WWOX: variants seen among roughly 807,000 people sequenced by gnomAD.
WWOX encodes WW domain-containing oxidoreductase.
WWOX carries 69 observed loss-of-function variants against 46.2 expected under a neutral mutation model. The ratio of observed to expected loss-of-function variants is 1.49; its 90% CI spans 1.23 to 1.82. The LOEUF is 1.82. Ranked by LOEUF, WWOX falls within the 40% of genes most tolerant of loss-of-function variation. The probability of loss-of-function intolerance (pLI) is 0.00; values close to 1 mark genes in which losing one functional copy is unlikely to be tolerated. For synonymous variants in WWOX, 359 were observed against 202.6 expected (o/e 1.77, Z -6.56); for missense variants, 919 against 542.6 (o/e 1.69, Z -6.89).
chr16:79,189,132 G>T (rs1018564438), intron 8 of WWOX, among the ~76,000 whole-genome samples: 2 of 152,274 alleles, frequency 1.3e-5, no homozygotes, highest in South Asian at 4.1e-4. Flanking sequence ...AGATGGTATT[G>T]CCCCTGGGAC....
At chr16:78,122,619 T>C (rs2033151725) in intron 4 of WWOX, among the ~76,000 whole-genome samples, 1 of 151,900 alleles carries the variant, frequency 6.6e-6, no homozygotes. Flanking sequence ...CTTTTTTTTT[T>C]TTTGAGACGG....
At chr16:78,474,356 G>A (rs1015774835) in intron 8 of WWOX, among the ~76,000 whole-genome samples, 4 of 152,140 alleles carry the variant, frequency 2.6e-5, no homozygotes, top group Non-Finnish European at 4.4e-5. Flanking sequence ...GCTTATGTTT[G>A]CACATCTTAC....
intron 8 of WWOX, among the ~76,000 whole-genome samples, chr16:78,986,797 T>A (rs2046792693): frequency 6.6e-6 from 1 of 152,200 alleles, no homozygotes. Flanking sequence ...TTTGATGTTG[T>A]TAGCTTTCAA....
intron 8 of WWOX, among the ~76,000 whole-genome samples, chr16:78,841,089 A>G (rs2052132578): frequency 6.6e-6 from 1 of 152,124 alleles, no homozygotes; most frequent in Non-Finnish European, 1.5e-5. Flanking sequence ...GCCCCCAGAC[A>G]TTCATTTCGG....
At chr16:79,127,004 T>A (rs1022418749) in intron 8 of WWOX, among the ~76,000 whole-genome samples, 47 of 152,224 alleles carry the variant, frequency 3.1e-4, no homozygotes, top group African/African-American at 1.1e-3. Context: ...GCTTTTTTTT[T>A]AAACTTATTT....
At position 78,991,159 on chromosome 16, in the gene WWOX, C is replaced by T. The variant is rs370091900; in HGVS notation, c.1057-220449C>T. ...CTAAGTCATTGATGGCACATTCAGC[C>T]CTTGTCAAAGTCAAAGAAGAAATTT... On this transcript the variant is annotated intron_variant, in intron 8 of 8. Transcript: ENST00000566780. Among the ~76,000 whole-genome samples the T allele has an allele frequency of 1.4e-4, 22 of 152,272 alleles. No homozygotes were observed. The East Asian group carries it at 3.5e-3, about 24-fold the overall frequency.
chr16:78,890,304 C>G (rs2044561105), intron 8 of WWOX: 1 of 138,060 alleles, frequency 7.2e-6, no homozygotes, highest in Non-Finnish European at 1.5e-5. Context: ...TCTTATTTGA[C>G]CTCTTGCCTC....
intron 8 of WWOX, among the ~76,000 whole-genome samples, chr16:79,172,171 C>T (rs1048208885): frequency 6.6e-6 from 1 of 152,180 alleles, no homozygotes; most frequent in Non-Finnish European, 1.5e-5. Context: ...CCATGAACTT[C>T]TCTCATTTCC....
chr16:78,857,636 T>G (rs1323679242), intron 8 of WWOX, among the ~76,000 whole-genome samples: 1 of 152,244 alleles, frequency 6.6e-6, no homozygotes, highest in Non-Finnish European at 1.5e-5. Flanking sequence ...ATTGACTATC[T>G]TGTCATTTCA....
chr16:78,414,407 A>G (rs1305194148), intron 6 of WWOX, among the ~76,000 whole-genome samples: 1 of 152,146 alleles, frequency 6.6e-6, no homozygotes, highest in Non-Finnish European at 1.5e-5. Context: ...TGCATCTACT[A>G]AAAATACAAA....
intron 8 of WWOX, among the ~76,000 whole-genome samples, chr16:78,742,061 A>G (rs981045037): frequency 6.6e-6 from 1 of 152,158 alleles, no homozygotes; most frequent in African/African-American, 2.4e-5. Context: ...CTGTGACCTC[A>G]GCACTAGGAT....
At chr16:78,204,328 G>T (rs2036324637) in intron 5 of WWOX, among the ~76,000 whole-genome samples, 1 of 151,986 alleles carries the variant, frequency 6.6e-6, no homozygotes, top group Admixed American at 6.6e-5. Context: ...CCGATGTTTT[G>T]ATACAGGCAT....
At chr16:78,407,728 A>T (rs551788554) in intron 6 of WWOX, among the ~76,000 whole-genome samples, 1 of 152,198 alleles carries the variant, frequency 6.6e-6, no homozygotes, top group Non-Finnish European at 1.5e-5. Flanking sequence ...TATATTGTGA[A>T]ACATGGCTAT....
chr16:79,032,487 A>C (rs540136631), intron 8 of WWOX, among the ~76,000 whole-genome samples: 1 of 148,022 alleles, frequency 6.8e-6, no homozygotes, highest in African/African-American at 2.5e-5. Flanking sequence ...TATAATATAC[A>C]TAATAGACTA....
At chr16:78,772,841 T>C (rs1397120527) in intron 8 of WWOX, among the ~76,000 whole-genome samples, 2 of 152,034 alleles carry the variant, frequency 1.3e-5, no homozygotes, top group African/African-American at 4.8e-5. Context: ...CAACATAGCG[T>C]GAACTTGTAT....
chr16:78,337,456 C>A (rs908303613), intron 5 of WWOX, among the ~76,000 whole-genome samples: 1 of 152,084 alleles, frequency 6.6e-6, no homozygotes, highest in African/African-American at 2.4e-5. Context: ...GGCACATTTG[C>A]TACAATTAAT....
At chr16:78,421,270 G>C (rs981755724) in intron 6 of WWOX, among the ~76,000 whole-genome samples, 2 of 152,250 alleles carry the variant, frequency 1.3e-5, no homozygotes, top group Non-Finnish European at 2.9e-5. Context: ...GCTCCTTCTG[G>C]AGGCTGGAAG....
intron 8 of WWOX, among the ~76,000 whole-genome samples, chr16:78,532,372 C>G (rs183030602): frequency 1.3e-5 from 2 of 152,252 alleles, no homozygotes; most frequent in Non-Finnish European, 1.5e-5. Context: ...GCCACCCACT[C>G]AGAGCCTTGA....
intron 8 of WWOX, among the ~76,000 whole-genome samples, chr16:78,709,397 G>T (rs993570710): frequency 2.0e-5 from 3 of 152,290 alleles, no homozygotes. Context: ...GGTTCACAGG[G>T]CCTGGGTAGC....
Sources: gnomAD v4.1 joint callset for allele counts (sites outside exome capture counted in the v4.1 genomes callset) on GRCh38, gnomAD v4.1.1 for gene constraint, MANE v1.5 for transcripts, NCBI Gene and HGNC (gene_info 2026-07-23, HGNC 2026-07-21) for gene names.